Variants in SLC24A3 observed in about 807,000 individuals in gnomAD.
The protein encoded by SLC24A3 is sodium/potassium/calcium exchanger 3.
SLC24A3 carries 28 observed loss-of-function variants against 75.8 expected under a neutral mutation model. The ratio of observed to expected loss-of-function variants is 0.37; its 90% CI spans 0.27 to 0.51. The LOEUF (loss-of-function observed/expected upper bound fraction) is 0.51. SLC24A3 is among the 20% of genes least tolerant of loss of function. The pLI is 0.94. For synonymous variants in SLC24A3, 372 were observed against 334.1 expected (o/e 1.11, Z -1.24); for missense variants, 663 against 847.8 (o/e 0.78, Z 2.71).
chr20:19,673,760 T>A (rs1276238958), intron 9 of SLC24A3, 106 bp downstream of exon 9: 1 of 900,450 alleles, frequency 1.1e-6, no homozygotes, highest in Non-Finnish European at 1.8e-6. Flanking sequence ...TTTTTCAGTG[T>A]GTATCATCAC....
At chr20:19,367,683 G>C (rs1281118226) in intron 2 of SLC24A3, among the ~76,000 whole-genome samples, 2 of 152,188 alleles carry the variant, frequency 1.3e-5, no homozygotes, top group Non-Finnish European at 2.9e-5. Context: ...AGAATAAGGT[G>C]GGAATGAGCA....
intron 2 of SLC24A3, among the ~76,000 whole-genome samples, chr20:19,448,398 C>T (rs1987422444): frequency 6.6e-6 from 1 of 152,190 alleles, no homozygotes; most frequent in South Asian, 2.1e-4. Flanking sequence ...TTTCAATGTG[C>T]AAACACAACC....
intron 6 of SLC24A3, among the ~76,000 whole-genome samples, chr20:19,591,997 G>A (rs1017959813): frequency 3.9e-5 from 6 of 152,168 alleles, no homozygotes; most frequent in Non-Finnish European, 8.8e-5. Flanking sequence ...TTACTGGGTT[G>A]TGTGCTAAGT....
chr20:19,357,123 G>C (rs1312706312), intron 2 of SLC24A3, among the ~76,000 whole-genome samples: 2 of 152,130 alleles, frequency 1.3e-5, no homozygotes, highest in African/African-American at 4.8e-5. Context: ...GTAAGAGAGA[G>C]GCAGTGGGAG....
intron 7 of SLC24A3, among the ~76,000 whole-genome samples, chr20:19,660,281 C>T (rs769836844): frequency 1.3e-5 from 2 of 151,800 alleles, no homozygotes; most frequent in Admixed American, 6.6e-5. Flanking sequence ...ATCCCTTGCC[C>T]CTCCTCCCAC....
At chr20:19,676,030 C>T (rs2032518839) in intron 9 of SLC24A3, among the ~76,000 whole-genome samples, 1 of 152,186 alleles carries the variant, frequency 6.6e-6, no homozygotes, top group Non-Finnish European at 1.5e-5. Context: ...ACAGTGTCTG[C>T]TCTATGCCCA....
intron 6 of SLC24A3, among the ~76,000 whole-genome samples, chr20:19,624,166 G>A (rs1362494342): frequency 6.6e-6 from 1 of 152,136 alleles, no homozygotes; most frequent in Non-Finnish European, 1.5e-5. Flanking sequence ...CCTGTCACCT[G>A]CGTTTCTTCT....
At chr20:19,436,512 G>C (rs1987206324) in intron 2 of SLC24A3, among the ~76,000 whole-genome samples, 1 of 152,214 alleles carries the variant, frequency 6.6e-6, no homozygotes, top group South Asian at 2.1e-4. Flanking sequence ...CTAGTTTCTG[G>C]CTGGATGCTC....
intron 9 of SLC24A3, among the ~76,000 whole-genome samples, chr20:19,678,239 G>C (rs1226493724): frequency 1.3e-5 from 2 of 150,562 alleles, no homozygotes; most frequent in East Asian, 3.9e-4. Flanking sequence ...TCCCAGACGG[G>C]GTGGTGGCCG....
At chr20:19,669,638 T>C (rs73118119) in intron 8 of SLC24A3, among the ~76,000 whole-genome samples, 123 of 152,140 alleles carry the variant, frequency 8.1e-4, no homozygotes, top group Non-Finnish European at 1.4e-3. Flanking sequence ...ACAAGAAAAC[T>C]AAAGAACGCA....
intron 3 of SLC24A3, among the ~76,000 whole-genome samples, chr20:19,563,844 A>G (rs2030915721): frequency 1.3e-5 from 2 of 152,200 alleles, no homozygotes. Flanking sequence ...ACATTGCTGT[A>G]ACTGGCACGA....
At position 19,308,300 on chromosome 20, in the gene SLC24A3, A is replaced by G. The variant is rs373122202; in HGVS notation, c.271+27213A>G. Among the ~76,000 whole-genome samples the G allele has an allele frequency of 1.2e-4, 18 of 152,272 alleles. 1 individual carries two copies. The East Asian group carries it at 2.1e-3, about 18-fold the overall frequency. Reference sequence around the variant, plus strand: ...CAACTTCTTGACTTTTAGTTTCTTCACTCTACAGCTGTAAAGATTGCTCAA... The same window carrying G: ...CAACTTCTTGACTTTTAGTTTCTTCGCTCTACAGCTGTAAAGATTGCTCAA... On this transcript the variant is annotated intron_variant, in intron 2 of 16. Coordinates refer to ENST00000328041, the MANE Select transcript of SLC24A3 (RefSeq NM_020689.4).
At chr20:19,492,110 C>G (rs562163865) in intron 2 of SLC24A3, among the ~76,000 whole-genome samples, 1 of 152,108 alleles carries the variant, frequency 6.6e-6, no homozygotes, top group Non-Finnish European at 1.5e-5. Context: ...GCACTAGATC[C>G]GAAAGTTATC....
chr20:19,392,506 T>C (rs12624405), intron 2 of SLC24A3, among the ~76,000 whole-genome samples: 17,736 of 152,254 alleles, frequency 0.12, 1,551 homozygotes, highest in East Asian at 0.33. Context: ...CTGTGAGCTT[T>C]GCTGTGGCTT....
intron 8 of SLC24A3, among the ~76,000 whole-genome samples, chr20:19,669,624 C>T (rs2032442640): frequency 6.6e-6 from 1 of 152,114 alleles, no homozygotes; most frequent in East Asian, 1.9e-4. Flanking sequence ...AGTCTGAAGG[C>T]CCAACAAGAA....
chr20:19,472,566 C>G (rs1987893392), intron 2 of SLC24A3, among the ~76,000 whole-genome samples: 1 of 152,350 alleles, frequency 6.6e-6, no homozygotes, highest in East Asian at 1.9e-4. Flanking sequence ...TGAGGACGCT[C>G]TACCTCATTT....
chr20:19,218,137 A>T (rs1981614649), intron 1 of SLC24A3, among the ~76,000 whole-genome samples: 1 of 152,168 alleles, frequency 6.6e-6, no homozygotes, highest in Non-Finnish European at 1.5e-5. Context: ...GTAAATAAAG[A>T]CGCTCTTTTG....
intron 2 of SLC24A3, among the ~76,000 whole-genome samples, chr20:19,295,423 C>T (rs1600416189): frequency 6.6e-6 from 1 of 152,146 alleles, no homozygotes; most frequent in African/African-American, 2.4e-5. Context: ...GGCATCCTTG[C>T]CTTGGGCCAG....
intron 2 of SLC24A3, among the ~76,000 whole-genome samples, chr20:19,346,641 TG>T (rs1985435554): frequency 6.6e-6 from 1 of 151,966 alleles, no homozygotes; most frequent in Non-Finnish European, 1.5e-5. Context: ...AGCTAAGCTA[TG>T]AGGATGCAAA....
Sources: allele counts gnomAD v4.1 joint callset (sites outside exome capture counted in the v4.1 genomes callset), GRCh38; gene constraint gnomAD v4.1.1; transcripts MANE v1.5; gene names NCBI Gene and HGNC (gene_info 2026-07-23, HGNC 2026-07-21).